The following KATNIP variants were observed in gnomAD, a reference collection of about 807,000 sequenced individuals.
KATNIP encodes katanin interacting protein, also known as katanin-interacting protein.
In KATNIP, 126 loss-of-function variants were observed where a neutral mutation model predicts 174.0. The ratio of observed to expected loss-of-function variants is 0.72; its 90% CI spans 0.63 to 0.84. The LOEUF (loss-of-function observed/expected upper bound fraction) is 0.84, where lower values mean the gene tolerates loss of function less well. KATNIP is among the 40% of genes least tolerant of loss of function. KATNIP has a pLI of 0.00. For synonymous variants in KATNIP, 810 were observed against 835.7 expected, an observed-to-expected ratio of 0.97 and a Z score of 0.53; for missense variants, 1,958 against 2,109.7, an observed-to-expected ratio of 0.93 and a Z score of 1.41.
At position 27,757,604 on chromosome 16, in the gene KATNIP, A is replaced by G. The variant is rs147711886; in HGVS notation, c.3631+3353A>G. 6.2e-4 allele frequency: 470 copies of G among 753,842 alleles called. 4 individuals are homozygous for G. In the African/African-American group the frequency reaches 7.6e-3, roughly 12 times the overall value. 46.7% of individuals were successfully genotyped at this position (753,842 alleles called of 1,614,324 possible). A position where few individuals can be genotyped will look rare whatever the true frequency, so the allele number is the denominator to read the frequency against. On this transcript the variant is annotated intron_variant, in intron 18 of 27. Transcript: ENST00000261588. Reference sequence around the variant, plus strand: ...TGGAGTAGAGCTCAAAGACCTTTTTACTGCAAGGCAAGTGTAATTTCTCTT... The same window carrying G: ...TGGAGTAGAGCTCAAAGACCTTTTTGCTGCAAGGCAAGTGTAATTTCTCTT...
rs1279772849 is a variant in KATNIP at position 27,740,915 on chromosome 16, G to A, written c.2618G>A (p.Ser873Asn). 8 of 1,590,032 alleles carry A rather than the reference G, an allele frequency of 5.0e-6. No homozygotes were observed. The highest frequency in any genetic ancestry group is 6.8e-6 in the Non-Finnish European group (8 of 1,168,692). The change falls in exon 15 of 28, where the codon AGC (serine) becomes AAC (asparagine). Residue 873 changes from serine (S) to asparagine (N), a missense_variant. By Grantham distance (46) the Ser-to-Asn change is conservative. Transcript: ENST00000261588. Reference sequence around the variant, plus strand: ...AGTCATGGGGACGACCAGCCAGCCAGCAGAGGTAAGCTCCAAAGAGCAGCC... The same window carrying A: ...AGTCATGGGGACGACCAGCCAGCCAACAGAGGTAAGCTCCAAAGAGCAGCC... ...SSSHGDDQPA[S>N]REDTWSSRTP...
chr16:27,568,437 G>A (rs1216888614), intron 1 of KATNIP, among the ~76,000 whole-genome samples: 2 of 152,150 alleles, frequency 1.3e-5, no homozygotes, highest in Non-Finnish European at 2.9e-5. Context: ...GATTACAGGT[G>A]TGAGCAACCG....
chr16:27,616,590 G>A (rs957939667), intron 2 of KATNIP, among the ~76,000 whole-genome samples: 8 of 151,358 alleles, frequency 5.3e-5, no homozygotes, highest in Non-Finnish European at 1.2e-4. Context: ...AGCTGGGCAT[G>A]GTGGCAGGTG....
At chr16:27,701,456 C>G (rs1371868981) in intron 10 of KATNIP, 133 bp from the exon 11 acceptor site, 2 of 654,938 alleles carry the variant, frequency 3.1e-6, no homozygotes, top group Non-Finnish European at 5.4e-6. Flanking sequence ...TGCTGTCACC[C>G]TCACATTCCT....
intron 8 of KATNIP, among the ~76,000 whole-genome samples, chr16:27,693,810 G>A (rs2078822931): frequency 6.6e-6 from 1 of 152,194 alleles, no homozygotes; most frequent in East Asian, 1.9e-4. Context: ...ACAGCCAGTG[G>A]GTTCTGTTGG....
chr16:27,707,694 C>T (rs1311051742), intron 12 of KATNIP, among the ~76,000 whole-genome samples: 1 of 152,252 alleles, frequency 6.6e-6, no homozygotes. Context: ...TTTGTTTTCT[C>T]ACAATTCCGA....
chr16:27,571,772 C>A (rs12448609), intron 1 of KATNIP, among the ~76,000 whole-genome samples: 5 of 152,274 alleles, frequency 3.3e-5, no homozygotes, highest in Non-Finnish European at 2.9e-5. Context: ...AGGGACAGTC[C>A]CTTCGCTCTG....
At chr16:27,636,010 A>T (rs1217639402) in intron 5 of KATNIP, among the ~76,000 whole-genome samples, 3 of 152,112 alleles carry the variant, frequency 2.0e-5, no homozygotes, top group Non-Finnish European at 4.4e-5. Context: ...AAAATTAGCC[A>T]GGCATAGTAG....
At chr16:27,661,322 A>G (rs2077466927) in intron 6 of KATNIP, among the ~76,000 whole-genome samples, 1 of 152,182 alleles carries the variant, frequency 6.6e-6, no homozygotes, top group African/African-American at 2.4e-5. Context: ...GTCATCGTGT[A>G]GAAATATGGG....
intron 5 of KATNIP, among the ~76,000 whole-genome samples, chr16:27,636,193 G>A (rs1220546728): frequency 6.6e-6 from 1 of 152,088 alleles, no homozygotes. Context: ...TGGAAAAAAT[G>A]GAAAAGTCTG....
rs527807558 is a variant in KATNIP, at chr16:27,608,657, A to G, written c.64-9768A>G. Among the ~76,000 whole-genome samples the G allele has an allele frequency of 1.2e-4, 18 of 152,192 alleles. No homozygotes were observed. The South Asian group carries it at 3.5e-3, about 30-fold the overall frequency. On this transcript the variant is annotated intron_variant, in intron 2 of 27. Transcript: ENST00000261588. ...CTCAGCCTCCCAAGTAGCTGGGACT[A>G]CAGCCTCACACTACCACACCCAGCT...
In KATNIP at chr16:27,750,031, A is replaced by G. The variant is rs773131299; in HGVS notation, c.3071A>G (p.Tyr1024Cys). The G allele has an allele frequency of 6.2e-6, 10 of 1,614,016 alleles. No individual in the cohort carries two copies. In the Admixed American group the frequency reaches 1.5e-4, roughly 24 times the overall value. The change falls in exon 16 of 28, where the codon TAT (tyrosine) becomes TGT (cysteine). Residue 1024 changes from tyrosine (Y) to cysteine (C), a missense_variant. By Grantham distance (194) the Tyr-to-Cys change is radical (BLOSUM62 -2). Transcript: ENST00000261588. ...CCCGATATCAATATTTTACCAGCCTATGGGAAAGACCCCCGCGTGGTCACC... is the reference window on the plus strand; with the variant it reads ...CCCGATATCAATATTTTACCAGCCTGTGGGAAAGACCCCCGCGTGGTCACC... ...DPPDINILPA[Y>C]GKDPRVVTNL...
intron 3 of KATNIP, among the ~76,000 whole-genome samples, chr16:27,618,818 A>AG (rs1461772855): frequency 3.3e-5 from 5 of 152,210 alleles, no homozygotes; most frequent in African/African-American, 1.2e-4. Context: ...CCACCTGAAG[A>AG]GCCCAGTCTG....
chr16:27,655,219 T>G (rs2077237359), intron 6 of KATNIP, among the ~76,000 whole-genome samples: 1 of 121,858 alleles, frequency 8.2e-6, no homozygotes. Flanking sequence ...TATATATATA[T>G]ATATATATAT....
intron 19 of KATNIP, among the ~76,000 whole-genome samples, chr16:27,762,995 GA>G (rs1424991547): frequency 6.6e-6 from 1 of 152,124 alleles, no homozygotes; most frequent in Non-Finnish European, 1.5e-5. Context: ...GGATTTAAGA[GA>G]AAACATAATC....
At chr16:27,732,452 T>A (rs760525529) in intron 14 of KATNIP, among the ~76,000 whole-genome samples, 9 of 152,154 alleles carry the variant, frequency 5.9e-5, no homozygotes, top group Admixed American at 5.9e-4. Flanking sequence ...TCAAGACAGA[T>A]AGGAATAGCC....
chr16:27,628,563 C>T (rs754600515), intron 3 of KATNIP, 98 bp from the exon 4 acceptor site: 98 of 1,294,474 alleles, frequency 7.6e-5, no homozygotes, highest in Non-Finnish European at 9.2e-5. Context: ...TGATTAGAGA[C>T]GCTTCACTGT....
chr16:27,690,827 G>C (rs1037421054), intron 8 of KATNIP, among the ~76,000 whole-genome samples: 1 of 152,214 alleles, frequency 6.6e-6, no homozygotes, highest in African/African-American at 2.4e-5. Context: ...CCTGTCGAAA[G>C]GGGGCGCCAT....
At chr16:27,556,032 G>A (rs2089611657) in intron 1 of KATNIP, among the ~76,000 whole-genome samples, 1 of 151,644 alleles carries the variant, frequency 6.6e-6, no homozygotes, top group Non-Finnish European at 1.5e-5. Flanking sequence ...GGAGGCTGAG[G>A]CAGAGAATTG....
Sources: allele counts gnomAD v4.1 joint callset (sites outside exome capture counted in the v4.1 genomes callset), GRCh38; gene constraint gnomAD v4.1.1; transcripts MANE v1.5; gene names NCBI Gene and HGNC (gene_info 2026-07-23, HGNC 2026-07-21).